The following CEP41 variants were observed in gnomAD, a reference collection of about 807,000 sequenced individuals.
The protein encoded by CEP41 is centrosomal protein 41.
A neutral mutation model predicts 44.3 loss-of-function variants in CEP41; 32 were observed. That is an observed-to-expected ratio of 0.72 (90% confidence interval 0.54 to 0.97). The LOEUF (loss-of-function observed/expected upper bound fraction) is 0.97. CEP41 is among the 50% of genes least tolerant of loss of function. The pLI is 0.00. For synonymous variants in CEP41, 151 were observed against 168.5 expected (o/e 0.90, Z 0.80); for missense variants, 432 against 455.2 (o/e 0.95, Z 0.46).
rs782770637 is a variant in CEP41 at position 130,401,890 on chromosome 7, A to G, written c.633T>C (p.Ile211=). The change falls in exon 8 of 11, where the codon ATT becomes ATC. Residue 211 remains isoleucine, a synonymous_variant. Coordinates refer to ENST00000223208, the MANE Select transcript of CEP41 (RefSeq NM_018718.3). ...SRTMNPYSND[I]LEYKNAHGKI... is the part of the protein sequence containing the mutation. Reference sequence around the variant, plus strand: ...ATGCAACAAAGGATACATATTCAAGAATATCATTTGAATAAGGGTTCATTG... The same window carrying G: ...ATGCAACAAAGGATACATATTCAAGGATATCATTTGAATAAGGGTTCATTG... The G allele has an allele frequency of 2.5e-6, 4 of 1,594,372 alleles. No individual in the cohort carries two copies. Among genetic ancestry groups the G allele is most frequent in the African/African-American group, 1.3e-5 (1 of 74,548 alleles).
At chr7:130,400,502 G>A in intron 9 of CEP41, 1 of 636,620 alleles carries the variant, frequency 1.6e-6, no homozygotes, top group Non-Finnish European at 2.8e-6. Context: ...CTTTGTGACA[G>A]AGCCCTGAAG....
intron 6 of CEP41, among the ~76,000 whole-genome samples, chr7:130,403,756 C>T (rs1443018438): frequency 6.6e-6 from 1 of 152,176 alleles, no homozygotes; most frequent in Non-Finnish European, 1.5e-5. Flanking sequence ...AGGAGAAGAA[C>T]ATCTGTTTGA....
chr7:130,420,914 C>G (rs1490121655), intron 2 of CEP41: 3 of 976,614 alleles, frequency 3.1e-6, no homozygotes, highest in Non-Finnish European at 3.6e-6. Flanking sequence ...TTCTGCACAC[C>G]TGATTTTCTT....
At chr7:130,430,072 T>C (rs1554424745) in intron 1 of CEP41, among the ~76,000 whole-genome samples, 1 of 152,176 alleles carries the variant, frequency 6.6e-6, no homozygotes, top group African/African-American at 2.4e-5. Flanking sequence ...CATTTACGTA[T>C]AAAATAAGGG....
Position 130,411,115 on chromosome 7 carries a change from TC to T in CEP41, c.277+6del. ...GTTATTTTCCCCACACCCTCAATTC[TC>T]ATTACCTTCCAGCCTTTGAATCTCC... On this transcript the variant is annotated splice_donor_region_variant and intron_variant, in intron 5 of 10. Transcript: ENST00000223208. 6.2e-7 allele frequency: 1 copy of T among 1,613,514 alleles called. No homozygotes were observed. The highest frequency in any genetic ancestry group is 1.1e-5 in the South Asian group (1 of 91,074).
rs1317105244 is a variant in CEP41, at chr7:130,393,844, A to G, written c.*5047T>C. On this transcript the variant is annotated 3_prime_UTR_variant, in exon 11 of 11. Coordinates refer to ENST00000223208, the MANE Select transcript of CEP41 (RefSeq NM_018718.3). ...CAGCCTACTTTTTTCCCCCTACAATATAATTAAAAGTTTGTAATTCTCATT... is the reference window on the plus strand; with the variant it reads ...CAGCCTACTTTTTTCCCCCTACAATGTAATTAAAAGTTTGTAATTCTCATT... The G allele has an allele frequency of 2.2e-6, 1 of 454,120 alleles. No homozygotes were observed. Among genetic ancestry groups the G allele is most frequent in the African/African-American group, 2.0e-5 (1 of 50,136 alleles). 28.1% of individuals were successfully genotyped at this position (454,120 alleles called of 1,614,324 possible).
At chr7:130,402,961 G>A (rs1375821493) in intron 6 of CEP41, among the ~76,000 whole-genome samples, 162 bp from the exon 7 acceptor site, 1 of 152,228 alleles carries the variant, frequency 6.6e-6, no homozygotes, top group Non-Finnish European at 1.5e-5. Flanking sequence ...GCCTCTGAAT[G>A]CAGGATCCTG....
chr7:130,417,732 C>T (rs1797377939), intron 2 of CEP41, among the ~76,000 whole-genome samples: 1 of 152,168 alleles, frequency 6.6e-6, no homozygotes, highest in South Asian at 2.1e-4. Context: ...GGGTATGCTT[C>T]GATTTGATTC....
chr7:130,427,469 T>C lies in CEP41; in HGVS notation c.97+486A>G, dbSNP rs80204366. On this transcript the variant is annotated intron_variant, in intron 2 of 10. Coordinates refer to ENST00000223208, the MANE Select transcript of CEP41 (RefSeq NM_018718.3). ...TCAAGTCTGTCTGCCTCCGCTTGAA[T>C]CTAAACTCTTTAACTAAAAAAAAAA... 5.2e-3 allele frequency among the ~76,000 whole-genome samples: 786 copies of C among 152,266 alleles called. 3 individuals are homozygous for C. Among genetic ancestry groups the C allele is most frequent in the South Asian group, 0.018 (87 of 4,818 alleles).
chr7:130,395,028 A>G lies in CEP41; in HGVS notation c.*3863T>C, dbSNP rs781872914. Reference sequence around the variant, plus strand: ...AGCCATCAGGGGATCACAATGTGACAGACACCGTTTCGAAAACACATAAAA... The same window carrying G: ...AGCCATCAGGGGATCACAATGTGACGGACACCGTTTCGAAAACACATAAAA... On this transcript the variant is annotated 3_prime_UTR_variant, in exon 11 of 11. Coordinates refer to ENST00000223208, the MANE Select transcript of CEP41 (RefSeq NM_018718.3). 3 of 454,148 alleles carry G rather than the reference A, an allele frequency of 6.6e-6. No homozygotes were observed. Among genetic ancestry groups the G allele is most frequent in the South Asian group, 4.7e-5 (3 of 64,478 alleles). 28.1% of individuals were successfully genotyped at this position (454,148 alleles called of 1,614,324 possible).
chr7:130,409,236 G>T (rs184282559), intron 5 of CEP41, among the ~76,000 whole-genome samples: 110 of 151,820 alleles, frequency 7.2e-4, no homozygotes, highest in Non-Finnish European at 1.3e-3. Context: ...TCTGTGTAGA[G>T]CACTAGAAAA....
intron 10 of CEP41, chr7:130,399,385 AG>A (rs1298025038): frequency 3.3e-5 from 11 of 330,612 alleles, no homozygotes; most frequent in African/African-American, 2.1e-4. Flanking sequence ...GGTGAAACTA[AG>A]GTAGGAAGAC....
chr7:130,422,393 C>T (rs1797535632), intron 2 of CEP41, among the ~76,000 whole-genome samples: 1 of 152,128 alleles, frequency 6.6e-6, no homozygotes, highest in African/African-American at 2.4e-5. Flanking sequence ...TATAAGGTCC[C>T]TTTTCTGTTT....
intron 8 of CEP41, 58 bp downstream of exon 8, chr7:130,401,823 A>G (rs781129268): frequency 5.1e-5 from 59 of 1,165,820 alleles, no homozygotes; most frequent in Non-Finnish European, 6.7e-5. Flanking sequence ...GGTTCATGAT[A>G]ACTTTGATTC....
At chr7:130,421,994 A>G in intron 2 of CEP41, 2 of 1,536,084 alleles carry the variant, frequency 1.3e-6, no homozygotes, top group South Asian at 2.4e-5. Flanking sequence ...AGCTGGTAAG[A>G]TACACACAGG....
intron 5 of CEP41, 116 bp downstream of exon 5, chr7:130,411,006 A>T: frequency 1.1e-6 from 1 of 882,866 alleles, no homozygotes; most frequent in South Asian, 1.3e-5. Context: ...CAATCTAATT[A>T]CAAATAGATA....
Position 130,396,770 on chromosome 7 carries a change from T to C in CEP41, c.*2121A>G. 4.4e-6 allele frequency: 2 copies of C among 454,254 alleles called. No individual in the cohort carries two copies. Among genetic ancestry groups the C allele is most frequent in the South Asian group, 3.1e-5 (2 of 64,474 alleles). The allele number at this position is 454,254 out of a possible 1,614,324, so 28.1% of individuals were successfully genotyped here. On this transcript the variant is annotated 3_prime_UTR_variant, in exon 11 of 11. Coordinates refer to ENST00000223208, the MANE Select transcript of CEP41 (RefSeq NM_018718.3). ...CTTACCAACAGGGCAAAGCAAGCAC[T>C]GTGGAGAAATACACATAAATATATC...
chr7:130,422,051 A>G (rs1554422354), intron 2 of CEP41: 4 of 1,534,174 alleles, frequency 2.6e-6, no homozygotes, highest in Non-Finnish European at 3.5e-6. Context: ...TAATTCTGAG[A>G]TTTCTAGCCA....
intron 1 of CEP41, among the ~76,000 whole-genome samples, chr7:130,430,313 T>C (rs747294632): frequency 2.6e-5 from 4 of 152,124 alleles, no homozygotes; most frequent in Non-Finnish European, 4.4e-5. Flanking sequence ...AAAGGGTCAG[T>C]CCTTCAGTGT....
Sources: gnomAD v4.1 joint callset for allele counts (sites outside exome capture counted in the v4.1 genomes callset) on GRCh38, gnomAD v4.1.1 for gene constraint, MANE v1.5 for transcripts, NCBI Gene and HGNC (gene_info 2026-07-23, HGNC 2026-07-21) for gene names.